Variants in STK17A observed in about 807,000 individuals in gnomAD.
STK17A encodes the protein serine/threonine kinase 17a, also known as serine/threonine-protein kinase 17A.
A neutral mutation model predicts 43.7 loss-of-function variants in STK17A; 26 were observed. The ratio of observed to expected loss-of-function variants is 0.60; its 90% CI spans 0.44 to 0.83. The LOEUF is 0.83. STK17A is among the 40% of genes least tolerant of loss of function. The probability of loss-of-function intolerance (pLI) is 0.00; values close to 1 mark genes in which losing one functional copy is unlikely to be tolerated. For missense variants in STK17A, 476 were observed against 511.6 expected (o/e 0.93, Z 0.67); for synonymous variants, 191 against 182.5 (o/e 1.05, Z -0.38).
At position 43,627,221 on chromosome 7, in the gene STK17A, T is replaced by G. The variant is rs1336755598; in HGVS notation, c.*2379T>G. Among the ~76,000 whole-genome samples the G allele has an allele frequency of 6.6e-6, 1 of 152,216 alleles. No homozygotes were observed. The highest frequency in any genetic ancestry group is 1.5e-5 in the Non-Finnish European group (1 of 68,042). On this transcript the variant is annotated 3_prime_UTR_variant, in exon 7 of 7. Coordinates refer to ENST00000319357, the MANE Select transcript of STK17A (RefSeq NM_004760.3). ...CAACTGGGAAATGATATTTGATTGATCTTGTGTTTTGTTGTTTTCAAATGA... is the reference window on the plus strand; with the variant it reads ...CAACTGGGAAATGATATTTGATTGAGCTTGTGTTTTGTTGTTTTCAAATGA...
At chr7:43,599,983 TCTC>T (rs1392395102) in intron 2 of STK17A, among the ~76,000 whole-genome samples, 2 of 150,824 alleles carry the variant, frequency 1.3e-5, no homozygotes, top group Non-Finnish European at 2.9e-5. Flanking sequence ...CTATATTTCT[TCTC>T]TCCAATTACA....
intron 3 of STK17A, among the ~76,000 whole-genome samples, chr7:43,617,076 C>G (rs1458495477): frequency 1.3e-5 from 2 of 152,190 alleles, no homozygotes; most frequent in African/African-American, 2.4e-5. Context: ...CAAATTCACT[C>G]TTGTGAGAGG....
Position 43,624,956 on chromosome 7 carries a change from C to T in STK17A, c.*114C>T. The T allele has an allele frequency of 1.0e-6, 1 of 970,884 alleles. No homozygotes were observed. The highest frequency in any genetic ancestry group is 2.0e-5 in the South Asian group (1 of 49,856). 60.1% of individuals were successfully genotyped at this position (970,884 alleles called of 1,614,324 possible). On this transcript the variant is annotated 3_prime_UTR_variant, in exon 7 of 7. Coordinates refer to ENST00000319357, the MANE Select transcript of STK17A (RefSeq NM_004760.3). Reference sequence around the variant, plus strand: ...AAGTGGATAACCAGTATCACTTACACAAACAAAAATAACTTTGTCAAATTT... The same window carrying T: ...AAGTGGATAACCAGTATCACTTACATAAACAAAAATAACTTTGTCAAATTT...
rs371781465 is a variant in STK17A at position 43,624,917 on chromosome 7, G to C, written c.*75G>C. 6.9e-6 allele frequency: 9 copies of C among 1,295,832 alleles called. No homozygotes were observed. The African/African-American group carries it at 1.4e-4, about 19-fold the overall frequency. 80.3% of individuals were successfully genotyped at this position (1,295,832 alleles called of 1,614,324 possible). The stretch of plus-strand genomic sequence containing the variant: ...ATTATTTATGGACCTCTGGCCAAAT[G>C]GTACATGTACTGGAAGTGGATAACC... On this transcript the variant is annotated 3_prime_UTR_variant, in exon 7 of 7. Coordinates refer to ENST00000319357, the MANE Select transcript of STK17A (RefSeq NM_004760.3).
chr7:43,608,252 C>G lies in STK17A; in HGVS notation c.420-4C>G, dbSNP rs1254147828. On this transcript the variant is annotated splice_region_variant and splice_polypyrimidine_tract_variant and intron_variant, in intron 2 of 6. Transcript: ENST00000319357. ...TATATTACTTTAATTTTGCCCTTCT[C>G]TAGTGCTGCTGGGGGTGAAATCTTT... 3 of 1,608,140 alleles carry G rather than the reference C, an allele frequency of 1.9e-6. No individual in the cohort carries two copies. The East Asian group carries it at 6.7e-5, about 36-fold the overall frequency.
chr7:43,607,647 CAAAAA>C (rs760624386), intron 2 of STK17A, among the ~76,000 whole-genome samples: 20 of 54,356 alleles, frequency 3.7e-4, no homozygotes, highest in Non-Finnish European at 6.7e-4. Context: ...GACTCCGTCT[CAAAAA>C]AAAAAAAAAA....
At position 43,595,289 on chromosome 7, in the gene STK17A, C is replaced by CTTTTTT. The variant is rs1379359635; in HGVS notation, c.207-612_207-611insTTTTTT. 6.4e-5 allele frequency among the ~76,000 whole-genome samples: 5 copies of CTTTTTT among 77,844 alleles called. 1 individual carries two copies. The highest frequency in any genetic ancestry group is 5.1e-5 in the Non-Finnish European group (2 of 38,892). 51.1% of individuals were successfully genotyped at this position (77,844 alleles called of 152,430 possible). A position where few individuals can be genotyped will look rare whatever the true frequency, so the allele number is the denominator to read the frequency against. ...TGGCTTTTTTTTTTTTTTTTTTTTC[C>CTTTTTT]CCCCTGGAGACAGAGTCTCACTCTG... is the stretch of plus-strand genomic sequence containing the variant. On this transcript the variant is annotated intron_variant, in intron 1 of 6. Transcript: ENST00000319357.
chr7:43,596,248 TC>T lies in STK17A; in HGVS notation c.419+137del, dbSNP rs767780434. 208 of 713,930 alleles carry T rather than the reference TC, an allele frequency of 2.9e-4. 1 individual carries two copies. The highest frequency in any genetic ancestry group is 5.9e-5 in the Non-Finnish European group (28 of 472,624). The allele number at this position is 713,930 out of a possible 1,614,324, so 44.2% of individuals were successfully genotyped here. On this transcript the variant is annotated intron_variant, in intron 2 of 6. Transcript: ENST00000319357. ...AATTTTCTAGATCATCTTCAGGTGT[TC>T]CTCTTATTAATATAACATGTTCCAA...
At chr7:43,586,754 A>T (rs1274090541) in intron 1 of STK17A, among the ~76,000 whole-genome samples, 1 of 151,514 alleles carries the variant, frequency 6.6e-6, no homozygotes, top group Non-Finnish European at 1.5e-5. Flanking sequence ...ATACCGATAA[A>T]TTTTTTCTTA....
In STK17A at chr7:43,625,753, CAGAGAG is replaced by C. The variant is rs3832501; in HGVS notation, c.*930_*935del. Reference sequence around the variant, plus strand: ...CCAAAGTGAGTAAAATCCCCTAGAGCAGAGAGAGAGAGAGAGAGAGAGAGTGTCTTC... The same window carrying C: ...CCAAAGTGAGTAAAATCCCCTAGAGCAGAGAGAGAGAGAGAGAGTGTCTTC... On this transcript the variant is annotated 3_prime_UTR_variant, in exon 7 of 7. Coordinates refer to ENST00000319357, the MANE Select transcript of STK17A (RefSeq NM_004760.3). 61 of 149,630 alleles carry C rather than the reference CAGAGAG, an allele frequency of 4.1e-4. No individual in the cohort carries two copies. The highest frequency in any genetic ancestry group is 3.4e-3 in the South Asian group (16 of 4,662). The allele number at this position is 149,630 out of a possible 1,614,324, so 9.3% of individuals were successfully genotyped here. A position where few individuals can be genotyped will look rare whatever the true frequency, so the allele number is the denominator to read the frequency against.
chr7:43,592,677 C>T (rs2082487660), intron 1 of STK17A, among the ~76,000 whole-genome samples: 1 of 146,940 alleles, frequency 6.8e-6, no homozygotes, highest in Non-Finnish European at 1.5e-5. Flanking sequence ...TGACGAAACC[C>T]CATCTGTACT....
intron 6 of STK17A, 101 bp downstream of exon 6, chr7:43,623,989 A>C: frequency 1.2e-6 from 1 of 816,988 alleles, no homozygotes; most frequent in Non-Finnish European, 1.7e-6. Flanking sequence ...TCCAACCAAA[A>C]ATAGTTCAAC....
chr7:43,624,503 C>T lies in STK17A; in HGVS notation c.921-15C>T. On this transcript the variant is annotated splice_polypyrimidine_tract_variant and intron_variant, in intron 6 of 6. Coordinates refer to ENST00000319357, the MANE Select transcript of STK17A (RefSeq NM_004760.3). Reference sequence around the variant, plus strand: ...GTTCTAACATGTCTTAACTGTAAAACATGTATCTTTACAGAGATCGAGCCA... The same window carrying T: ...GTTCTAACATGTCTTAACTGTAAAATATGTATCTTTACAGAGATCGAGCCA... 6.3e-7 allele frequency: 1 copy of T among 1,591,400 alleles called. No individual in the cohort carries two copies.
rs1002737015 is a variant in STK17A at position 43,583,320 on chromosome 7, G to C, written c.77G>C (p.Gly26Ala). 1 of 1,488,214 alleles carries C rather than the reference G, an allele frequency of 6.7e-7. No individual in the cohort carries two copies. Among genetic ancestry groups the C allele is most frequent in the Non-Finnish European group, 8.9e-7 (1 of 1,119,482 alleles). 92.2% of individuals were successfully genotyped at this position (1,488,214 alleles called of 1,614,324 possible). ...ATSGSGRAGR[G>A]LSGPCRPPPP... ...TCAGGCTCGGGCCGGGCAGGCCGGG[G>C]TCTGAGCGGGCCGTGCCGGCCGCCG... Residue 26 changes from glycine (G) to alanine (A), a missense_variant, in exon 1 of 7, where the codon GGT becomes GCT. Coordinates refer to ENST00000319357, the MANE Select transcript of STK17A (RefSeq NM_004760.3).
At chr7:43,623,473 A>T in intron 4 of STK17A, 99 bp from the exon 5 acceptor site, 1 of 917,498 alleles carries the variant, frequency 1.1e-6, no homozygotes, top group Non-Finnish European at 1.7e-6. Context: ...AACGTTGGAT[A>T]GTGCCTTATA....
chr7:43,612,303 A>G (rs1279849072), intron 3 of STK17A, among the ~76,000 whole-genome samples: 1 of 152,090 alleles, frequency 6.6e-6, no homozygotes, highest in East Asian at 1.9e-4. Flanking sequence ...GAGGGAGAGG[A>G]TAGAGATGGG....
intron 4 of STK17A, among the ~76,000 whole-genome samples, chr7:43,621,476 A>G (rs1305169900): frequency 2.0e-5 from 3 of 152,134 alleles, no homozygotes; most frequent in Non-Finnish European, 4.4e-5. Flanking sequence ...GTTTTGTTTT[A>G]ATGCTTTCTT....
intron 1 of STK17A, among the ~76,000 whole-genome samples, chr7:43,585,765 T>C (rs1438211039): frequency 6.6e-6 from 1 of 151,230 alleles, no homozygotes; most frequent in Admixed American, 6.6e-5. Flanking sequence ...GTAAAACACA[T>C]AGCCTTAAGG....
At chr7:43,621,823 A>G (rs559821354) in intron 4 of STK17A, among the ~76,000 whole-genome samples, 4 of 152,176 alleles carry the variant, frequency 2.6e-5, no homozygotes, top group East Asian at 3.9e-4. Context: ...TCAAAAGTAC[A>G]TAATACAGAA....
Sources: gnomAD v4.1 joint callset for allele counts (sites outside exome capture counted in the v4.1 genomes callset) on GRCh38, gnomAD v4.1.1 for gene constraint, MANE v1.5 for transcripts, NCBI Gene and HGNC (gene_info 2026-07-23, HGNC 2026-07-21) for gene names.